Variants in PLG observed in about 807,000 individuals in gnomAD.
PLG encodes plasminogen.
A neutral mutation model predicts 104.4 loss-of-function variants in PLG; 41 were observed. That is an observed-to-expected ratio of 0.39 (90% CI 0.31 to 0.51). PLG has a LOEUF of 0.51. Among genes scored for constraint, PLG ranks in the 20% least tolerant of loss-of-function variants. The pLI is 0.76. For missense variants in PLG, 891 were observed against 1,003.6 expected (o/e 0.89, Z 1.52); for synonymous variants, 337 against 357.1 (o/e 0.94, Z 0.63).
rs1291440003 is a variant in PLG, at chr6:160,714,795, G to A, written c.549G>A (p.Glu183=). The A allele has an allele frequency of 1.2e-6, 2 of 1,613,734 alleles. No individual in the cohort carries two copies. Among genetic ancestry groups the A allele is most frequent in the Non-Finnish European group, 8.5e-7 (1 of 1,179,716 alleles). ...GTCCTTCCTTCCCACTCTGTCCAGA[G>A]GAATGTATGCATTGCAGTGGAGAAA... is the stretch of plus-strand genomic sequence containing the variant. ...YDYCDILECE[E]ECMHCSGENY... The change falls in exon 6 of 19, where the codon GAG becomes GAA. Residue 183 remains glutamate, a splice_region_variant and synonymous_variant. Coordinates refer to ENST00000308192, the MANE Select transcript of PLG (RefSeq NM_000301.5).
rs375094358 is a variant in PLG, at chr6:160,718,906, C to A, written c.1096+68C>A. The A allele has an allele frequency of 9.2e-6, 12 of 1,306,320 alleles. No homozygotes were observed. The African/African-American group carries it at 1.0e-4, about 11-fold the overall frequency. The allele number at this position is 1,306,320 out of a possible 1,614,324, so 80.9% of individuals were successfully genotyped here. A position where few individuals can be genotyped will look rare whatever the true frequency, so the allele number is the denominator to read the frequency against. On this transcript the variant is annotated intron_variant, in intron 9 of 18. Transcript: ENST00000308192. Reference sequence around the variant, plus strand: ...CCTTATTTTTGTATACCAGTGGCATCATCACAATATACAGTAGCTTTGTAA... The same window carrying A: ...CCTTATTTTTGTATACCAGTGGCATAATCACAATATACAGTAGCTTTGTAA...
At chr6:160,722,359 CTT>C (rs4252118) in intron 9 of PLG, 47 bp from the exon 10 acceptor site, 1 of 1,444,962 alleles carries the variant, frequency 6.9e-7, no homozygotes, top group Non-Finnish European at 9.7e-7. Flanking sequence ...CTTCATGCTT[CTT>C]TTTTTTCAGT....
Position 160,736,120 on chromosome 6 carries a change from T to C in PLG, c.1682-767T>C, listed in dbSNP as rs1778079979. Among the ~76,000 whole-genome samples, 1 of 152,220 alleles carries C rather than the reference T, an allele frequency of 6.6e-6. No homozygotes were observed. Among genetic ancestry groups the C allele is most frequent in the Non-Finnish European group, 1.5e-5 (1 of 68,044 alleles). On this transcript the variant is annotated intron_variant, in intron 13 of 18. Coordinates refer to ENST00000308192, the MANE Select transcript of PLG (RefSeq NM_000301.5). This position sits in a 1 kb window ranked among gnomAD's most constrained non-coding sequence, Gnocchi z 5.2. ...GGCTGGAGACAACAGAGAAGCATTT[T>C]TGAATACCCTCTGCAGCCCCTGCAC... is the stretch of plus-strand genomic sequence containing the variant.
In PLG at chr6:160,731,233, G is replaced by C. The variant is rs1356598605; in HGVS notation, c.1438+1G>C. The C allele has an allele frequency of 1.2e-6, 2 of 1,612,388 alleles. No homozygotes were observed. Among genetic ancestry groups the C allele is most frequent in the East Asian group, 4.5e-5 (2 of 44,818 alleles). ...GATGTAGAGACTCCTTCCGAAGAAG[G>C]TAAGAAATCTGTGGCTGGACATCTA... On this transcript the variant is annotated splice_donor_variant, in intron 11 of 18. Transcript: ENST00000308192. LOFTEE classifies it high-confidence loss of function. This position sits in a 1 kb window ranked among gnomAD's most constrained non-coding sequence, Gnocchi z 5.1.
intron 3 of PLG, among the ~76,000 whole-genome samples, chr6:160,708,983 C>T (rs545575017): frequency 2.1e-5 from 3 of 145,426 alleles, no homozygotes; most frequent in Non-Finnish European, 4.6e-5. Flanking sequence ...AAAAAAAAAA[C>T]CCTGATTCTC....
chr6:160,702,580 T>C (rs1237015937), intron 1 of PLG, among the ~76,000 whole-genome samples: 2 of 152,152 alleles, frequency 1.3e-5, no homozygotes, highest in Non-Finnish European at 2.9e-5. Flanking sequence ...TGGGTGATTT[T>C]TCAAATCTAA....
chr6:160,707,995 C>T (rs1419189989), intron 3 of PLG, 189 bp downstream of exon 3: 5 of 566,654 alleles, frequency 8.8e-6, no homozygotes, highest in Admixed American at 3.1e-5. Flanking sequence ...TACTTCACCT[C>T]TTAGATTTAA....
In PLG at chr6:160,738,623, G is replaced by T; in HGVS notation, c.1877+11G>T. On this transcript the variant is annotated intron_variant, in intron 15 of 18. Coordinates refer to ENST00000308192, the MANE Select transcript of PLG (RefSeq NM_000301.5). The surrounding 1 kb of genome is among the most constrained non-coding windows in gnomAD (Gnocchi z 6.8). ...CCACTGCTTGGAGAAGTATGTTTAG[G>T]GGACAATTGACATGAAGTCTTGTCT... is the stretch of plus-strand genomic sequence containing the variant. 6.4e-7 allele frequency: 1 copy of T among 1,552,786 alleles called. No individual in the cohort carries two copies. The highest frequency in any genetic ancestry group is 2.2e-5 in the East Asian group (1 of 44,584).
At chr6:160,728,509 C>T (rs566809127) in intron 10 of PLG, among the ~76,000 whole-genome samples, 2 of 151,196 alleles carry the variant, frequency 1.3e-5, no homozygotes, top group African/African-American at 4.8e-5. Context: ...AAGGTAAAGA[C>T]CTATAAAGGT....
At chr6:160,748,403 A>AAGAAAGAAAGAAAGAAAAAGAAAGAAAGG (rs1554252971) in intron 17 of PLG, among the ~76,000 whole-genome samples, 2 of 74,002 alleles carry the variant, frequency 2.7e-5, no homozygotes, top group Non-Finnish European at 5.4e-5. Flanking sequence ...AAAGAAAGGA[A>AAGAAAGAAAGAAAGAAAAAGAAAGAAAGG]GAAAGAAAGA....
At position 160,731,214 on chromosome 6, in the gene PLG, G is replaced by A. The variant is rs1054291747; in HGVS notation, c.1420G>A (p.Glu474Lys). ...GCCTGTTGTCCTGCTTCCAGATGTA[G>A]AGACTCCTTCCGAAGAAGGTAAGAA... ...PPPVVLLPDV[E>K]TPSEEDCMFG... Residue 474 changes from glutamate (E) to lysine (K), a missense_variant, in exon 11 of 19, where the codon GAG (glutamate) becomes AAG (lysine). This residue lies in a region of PLG where 854 missense variants were observed against 932.1 expected (regional missense o/e 0.92). Transcript: ENST00000308192. The surrounding 1 kb of genome is among the most constrained non-coding windows in gnomAD (Gnocchi z 5.1). 4 of 1,613,930 alleles carry A rather than the reference G, an allele frequency of 2.5e-6. No individual in the cohort carries two copies. Among genetic ancestry groups the A allele is most frequent in the Non-Finnish European group, 3.4e-6 (4 of 1,179,812 alleles).
chr6:160,754,061 T>C lies in PLG; in HGVS notation c.*1000T>C, dbSNP rs1164235628. ...GTAGTCTCAAATCCTCAAAGAGCTG[T>C]GTTTATTTCATTGACAAATAGATTA... On this transcript the variant is annotated 3_prime_UTR_variant, in exon 19 of 19. Coordinates refer to ENST00000308192, the MANE Select transcript of PLG (RefSeq NM_000301.5). The surrounding 1 kb of genome is among the most constrained non-coding windows in gnomAD (Gnocchi z 4.9). Among the ~76,000 whole-genome samples the C allele has an allele frequency of 7.9e-5, 12 of 152,224 alleles. No homozygotes were observed. The highest frequency in any genetic ancestry group is 7.9e-4 in the Admixed American group (12 of 15,282).
rs1292241977 is a variant in PLG at position 160,734,007 on chromosome 6, C to G, written c.1600C>G (p.Pro534Ala). 1 of 1,604,628 alleles carries G rather than the reference C, an allele frequency of 6.2e-7. No individual in the cohort carries two copies. The highest frequency in any genetic ancestry group is 8.5e-7 in the Non-Finnish European group (1 of 1,171,708). Residue 534 changes from proline (P) to alanine (A), a missense_variant, in exon 13 of 19, where the codon CCT becomes GCT. Around this residue, in one of 2 missense-constraint regions of PLG, gnomAD observed 854 missense variants for 932.1 expected, o/e 0.92. Coordinates refer to ENST00000308192, the MANE Select transcript of PLG (RefSeq NM_000301.5). The surrounding 1 kb of genome is among the most constrained non-coding windows in gnomAD (Gnocchi z 4.4). Reference protein sequence around the residue: ...AGLEKNYCRNPDGDVGGPWCY... With the variant: ...AGLEKNYCRNADGDVGGPWCY... Reference sequence around the variant, plus strand: ...TTCTTGTTTTCAGTACTGCCGTAACCCTGATGGTGATGTAGGTGGTCCCTG... The same window carrying G: ...TTCTTGTTTTCAGTACTGCCGTAACGCTGATGGTGATGTAGGTGGTCCCTG...
At chr6:160,709,163 G>A (rs1034325602) in intron 3 of PLG, among the ~76,000 whole-genome samples, 1 of 151,848 alleles carries the variant, frequency 6.6e-6, no homozygotes, top group African/African-American at 2.4e-5. Flanking sequence ...ACTCTGATGG[G>A]TACATACAAA....
At position 160,741,065 on chromosome 6, in the gene PLG, G is replaced by A. The variant is rs143407807; in HGVS notation, c.2019-246G>A. Among the ~76,000 whole-genome samples, 1 of 152,350 alleles carries A rather than the reference G, an allele frequency of 6.6e-6. No homozygotes were observed. Among genetic ancestry groups the A allele is most frequent in the East Asian group, 1.9e-4 (1 of 5,192 alleles). ...CTTTGTCATCCCTACTTTCAAAGGTGAAGGCCACCAGCAGTATCTTGCATG... is the reference window on the plus strand; with the variant it reads ...CTTTGTCATCCCTACTTTCAAAGGTAAAGGCCACCAGCAGTATCTTGCATG... On this transcript the variant is annotated intron_variant, in intron 16 of 18. Coordinates refer to ENST00000308192, the MANE Select transcript of PLG (RefSeq NM_000301.5). This position sits in a 1 kb window ranked among gnomAD's most constrained non-coding sequence, Gnocchi z 4.7.
rs188664352 is a variant in PLG, at chr6:160,745,153, G to A, written c.2125+3736G>A. 1.6e-4 allele frequency among the ~76,000 whole-genome samples: 24 copies of A among 152,288 alleles called. No individual in the cohort carries two copies. The East Asian group carries it at 4.4e-3, about 28-fold the overall frequency. ...TTGTTTTGGGAAAGAGAGTTGTGTA[G>A]AGGTCTATCAGATCCATTTGGTCCA... On this transcript the variant is annotated intron_variant, in intron 17 of 18. Coordinates refer to ENST00000308192, the MANE Select transcript of PLG (RefSeq NM_000301.5).
Position 160,739,239 on chromosome 6 carries a change from G to A in PLG, c.2018+31G>A, listed in dbSNP as rs374496904. On this transcript the variant is annotated intron_variant, in intron 16 of 18. Coordinates refer to ENST00000308192, the MANE Select transcript of PLG (RefSeq NM_000301.5). The surrounding 1 kb of genome is among the most constrained non-coding windows in gnomAD (Gnocchi z 4.4). ...CGTTCACCTGTGGTCTTCACCCCAC[G>A]CTGGTGAAGATATTTGCTTTATGTC... 2.0e-5 allele frequency: 32 copies of A among 1,613,596 alleles called. No homozygotes were observed. The East Asian group carries it at 3.3e-4, about 17-fold the overall frequency.
Position 160,732,835 on chromosome 6 carries a change from C to T in PLG, c.1587+942C>T, listed in dbSNP as rs1385131808. On this transcript the variant is annotated intron_variant, in intron 12 of 18. Transcript: ENST00000308192. The surrounding 1 kb of genome is among the most constrained non-coding windows in gnomAD (Gnocchi z 4.5). ...TCCAGTGCACCAGCCCCCGGTACCC[C>T]AAGTGTTCAGCAACCCAGAAGCTCT... 6.6e-6 allele frequency among the ~76,000 whole-genome samples: 1 copy of T among 152,148 alleles called. No individual in the cohort carries two copies. Among genetic ancestry groups the T allele is most frequent in the Non-Finnish European group, 1.5e-5 (1 of 68,036 alleles).
rs1278701768 is a variant in PLG, at chr6:160,738,756, T to A, written c.1877+144T>A. 20 of 723,208 alleles carry A rather than the reference T, an allele frequency of 2.8e-5. No individual in the cohort carries two copies. The highest frequency in any genetic ancestry group is 4.7e-5 in the Non-Finnish European group (19 of 401,676). 44.8% of individuals were successfully genotyped at this position (723,208 alleles called of 1,614,324 possible). On this transcript the variant is annotated intron_variant, in intron 15 of 18. Transcript: ENST00000308192. This position sits in a 1 kb window ranked among gnomAD's most constrained non-coding sequence, Gnocchi z 6.8. ...TAGGGACCAGGCCAGGGCAATTGGA[T>A]AAGAGAGAAGGGAAGGGTTTCTAGA...
Sources: allele counts gnomAD v4.1 joint callset (sites outside exome capture counted in the v4.1 genomes callset), GRCh38; gene constraint gnomAD v4.1.1; regional missense constraint gnomAD v4.1.1; non-coding constraint Gnocchi (gnomAD v3.1); transcripts MANE v1.5; gene names NCBI Gene and HGNC (gene_info 2026-07-23, HGNC 2026-07-21).